POU1F1: variants seen among roughly 807,000 people sequenced by gnomAD.
POU1F1 encodes the protein pituitary-specific positive transcription factor 1.
Under a neutral mutation model 32.3 loss-of-function variants are expected in POU1F1, and 23 were observed. That is an observed-to-expected ratio of 0.71 (90% CI 0.51 to 1.01). The LOEUF is 1.01. Among genes scored for constraint, POU1F1 ranks in the 50% least tolerant of loss-of-function variants. The pLI, the probability that POU1F1 is intolerant of heterozygous loss-of-function variation, is 0.00. For missense variants in POU1F1, 323 were observed against 341.6 expected (o/e 0.95, Z 0.43); for synonymous variants, 120 against 115.6 (o/e 1.04, Z -0.25).
chr3:87,263,702 T>G (rs1286662371), intron 3 of POU1F1, among the ~76,000 whole-genome samples: 1 of 152,030 alleles, frequency 6.6e-6, no homozygotes, highest in African/African-American at 2.4e-5. Context: ...CAGCCAAAGA[T>G]CAGAAACCAC....
intron 5 of POU1F1, among the ~76,000 whole-genome samples, chr3:87,260,784 TCAAA>T (rs2106926233): frequency 6.6e-6 from 1 of 152,122 alleles, no homozygotes; most frequent in African/African-American, 2.4e-5. Flanking sequence ...TGTTCTTGAA[TCAAA>T]CAATACATAA....
intron 3 of POU1F1, 27 bp from the exon 4 acceptor site, chr3:87,262,262 G>A (rs375562549): frequency 6.2e-7 from 1 of 1,613,114 alleles, no homozygotes; most frequent in Non-Finnish European, 8.5e-7. Context: ...AAGACCATCA[G>A]CTCCAACTTT....
intron 1 of POU1F1, among the ~76,000 whole-genome samples, chr3:87,273,748 A>G (rs1268923375): frequency 6.6e-6 from 1 of 152,100 alleles, no homozygotes; most frequent in African/African-American, 2.4e-5. Context: ...TGACTGACCA[A>G]TTTAGACCTT....
In POU1F1 at chr3:87,276,390, G is replaced by A; in HGVS notation, c.73C>T (p.Leu25=). ...TCGGCAGCACTGTGATGCATTATCA[G>A]AGGCAGAGTTGCAGAGGCGTCAGAA... ...LNSDASATLP[L]IMHHSAAECL... is the part of the protein sequence containing the mutation. Residue 25 remains leucine, a synonymous_variant, in exon 1 of 6, where the codon CTG becomes TTG. Transcript: ENST00000350375. 1.9e-6 allele frequency: 3 copies of A among 1,614,018 alleles called. No homozygotes were observed. Among genetic ancestry groups the A allele is most frequent in the South Asian group, 1.1e-5 (1 of 91,080 alleles).
intron 3 of POU1F1, among the ~76,000 whole-genome samples, chr3:87,263,909 C>G (rs1178670578): frequency 6.6e-6 from 1 of 151,728 alleles, no homozygotes; most frequent in Non-Finnish European, 1.5e-5. Context: ...GAAAGATACA[C>G]AAGGAACTAA....
chr3:87,260,204 G>T (rs1276948997), intron 5 of POU1F1, 100 bp from the exon 6 acceptor site: 3 of 912,992 alleles, frequency 3.3e-6, no homozygotes, highest in Non-Finnish European at 5.2e-6. Flanking sequence ...ATATTAACAT[G>T]AAAAGGAAAC....
chr3:87,260,589 G>T (rs1369279548), intron 5 of POU1F1, among the ~76,000 whole-genome samples: 1 of 152,104 alleles, frequency 6.6e-6, no homozygotes, highest in Admixed American at 6.5e-5. Context: ...TGAAATGCAA[G>T]AGGTCATGTT....
chr3:87,261,807 G>C (rs987427020), intron 4 of POU1F1, among the ~76,000 whole-genome samples: 1 of 152,094 alleles, frequency 6.6e-6, no homozygotes, highest in Admixed American at 6.6e-5. Flanking sequence ...AAAAAAATAA[G>C]TATTTTACCC....
Position 87,273,500 on chromosome 3 carries a change from G to A in POU1F1, c.143-82C>T, listed in dbSNP as rs774948100. ...ATCAAAGACAAAATAGATGGGACTG[G>A]TAAGAAAATGTATAAGGATTCAAGA... On this transcript the variant is annotated intron_variant, in intron 1 of 5. Coordinates refer to ENST00000350375, the MANE Select transcript of POU1F1 (RefSeq NM_000306.4). 3 of 1,587,700 alleles carry A rather than the reference G, an allele frequency of 1.9e-6. No homozygotes were observed. The South Asian group carries it at 3.4e-5, about 18-fold the overall frequency.
chr3:87,264,597 G>A, intron 2 of POU1F1, 85 bp from the exon 3 acceptor site: 1 of 1,100,118 alleles, frequency 9.1e-7, no homozygotes, highest in Non-Finnish European at 1.4e-6. Flanking sequence ...GCCTGACTTA[G>A]CCCATTATTC....
At chr3:87,271,336 C>T (rs1028490607) in intron 2 of POU1F1, among the ~76,000 whole-genome samples, 5 of 152,128 alleles carry the variant, frequency 3.3e-5, no homozygotes, top group East Asian at 1.9e-4. Context: ...TGCAAACTCC[C>T]GAGGCCAGTG....
Position 87,259,603 on chromosome 3 carries a change from C to G in POU1F1, c.*291G>C, listed in dbSNP as rs946590348. ...AACTTATAAACCCATACTCATATGTCTGCGTGTGTGTGAGAAAGAGAGCGG... is the reference window on the plus strand; with the variant it reads ...AACTTATAAACCCATACTCATATGTGTGCGTGTGTGTGAGAAAGAGAGCGG... On this transcript the variant is annotated 3_prime_UTR_variant, in exon 6 of 6. Coordinates refer to ENST00000350375, the MANE Select transcript of POU1F1 (RefSeq NM_000306.4). 5.5e-5 allele frequency: 21 copies of G among 380,876 alleles called. No homozygotes were observed. The Admixed American group carries it at 8.2e-4, about 15-fold the overall frequency. 23.6% of individuals were successfully genotyped at this position (380,876 alleles called of 1,614,324 possible).
At chr3:87,272,386 G>C (rs1706744502) in intron 2 of POU1F1, among the ~76,000 whole-genome samples, 1 of 152,166 alleles carries the variant, frequency 6.6e-6, no homozygotes, top group Non-Finnish European at 1.5e-5. Flanking sequence ...CATGCGCCAT[G>C]CTGGTGCGCT....
rs114978380 is a variant in POU1F1, at chr3:87,273,518, A to T, written c.143-100T>A. Reference sequence around the variant, plus strand: ...GGGACTGGTAAGAAAATGTATAAGGATTCAAGACACATTCGTTTTATTTCA... The same window carrying T: ...GGGACTGGTAAGAAAATGTATAAGGTTTCAAGACACATTCGTTTTATTTCA... On this transcript the variant is annotated intron_variant, in intron 1 of 5. Transcript: ENST00000350375. 2.0e-4 allele frequency: 315 copies of T among 1,552,044 alleles called. 1 individual carries two copies. In the African/African-American group the frequency reaches 2.4e-3, roughly 12 times the overall value.
At chr3:87,266,024 T>A (rs984787162) in intron 2 of POU1F1, among the ~76,000 whole-genome samples, 24 of 150,858 alleles carry the variant, frequency 1.6e-4, no homozygotes, top group African/African-American at 5.6e-4. Flanking sequence ...AAAAAATGCA[T>A]CAAGAGTTCA....
At chr3:87,271,837 T>C (rs1340823244) in intron 2 of POU1F1, among the ~76,000 whole-genome samples, 1 of 152,150 alleles carries the variant, frequency 6.6e-6, no homozygotes, top group Non-Finnish European at 1.5e-5. Context: ...TACAGGTCAT[T>C]GTTAAGAACA....
chr3:87,260,610 A>G (rs933556617), intron 5 of POU1F1, among the ~76,000 whole-genome samples: 70 of 152,282 alleles, frequency 4.6e-4, no homozygotes, highest in African/African-American at 1.5e-3. Context: ...GAACTTGAAG[A>G]GACCGAAACA....
chr3:87,276,186 T>C (rs1374442366), intron 1 of POU1F1, 135 bp downstream of exon 1: 4 of 1,131,226 alleles, frequency 3.5e-6, no homozygotes, highest in Non-Finnish European at 5.3e-6. Context: ...TGCTTAATGC[T>C]TACTTCACTT....
At chr3:87,265,334 C>A (rs1394966149) in intron 2 of POU1F1, among the ~76,000 whole-genome samples, 1 of 152,012 alleles carries the variant, frequency 6.6e-6, no homozygotes, top group African/African-American at 2.4e-5. Flanking sequence ...AATGGTAAAG[C>A]ATTGACTCTA....
Sources: gnomAD v4.1 joint callset for allele counts (sites outside exome capture counted in the v4.1 genomes callset) on GRCh38, gnomAD v4.1.1 for gene constraint, MANE v1.5 for transcripts, NCBI Gene and HGNC (gene_info 2026-07-23, HGNC 2026-07-21) for gene names.